The following SLCO3A1 variants were observed in gnomAD, a reference collection of about 807,000 sequenced individuals.
SLCO3A1 encodes the protein solute carrier organic anion transporter family member 3A1.
In SLCO3A1, 27 loss-of-function variants were observed where a neutral mutation model predicts 63.1. That is an observed-to-expected ratio of 0.43 (90% CI 0.32 to 0.59). The LOEUF is 0.59. SLCO3A1 is among the 20% of genes least tolerant of loss of function. The pLI, the probability that SLCO3A1 is intolerant of heterozygous loss-of-function variation, is 0.09. For missense variants in SLCO3A1, 773 were observed against 945.8 expected (o/e 0.82, Z 2.40); for synonymous variants, 473 against 409.9 (o/e 1.15, Z -1.86).
intron 9 of SLCO3A1, among the ~76,000 whole-genome samples, chr15:92,152,992 GAAAAGTTA>G (rs2048326774): frequency 6.6e-6 from 1 of 152,162 alleles, no homozygotes; most frequent in South Asian, 2.1e-4. Context: ...AGGTATTTCT[GAAAAGTTA>G]ATGAAAATTG....
chr15:91,996,370 A>G (rs1597203437), intron 2 of SLCO3A1, among the ~76,000 whole-genome samples: 1 of 152,188 alleles, frequency 6.6e-6, no homozygotes, highest in Non-Finnish European at 1.5e-5. Context: ...AAAATATACC[A>G]TATTCATGGA....
At chr15:92,111,591 G>C (rs1409661638) in intron 4 of SLCO3A1, among the ~76,000 whole-genome samples, 1 of 152,264 alleles carries the variant, frequency 6.6e-6, no homozygotes, top group East Asian at 1.9e-4. Flanking sequence ...ACTGGTCACT[G>C]GCTTAAGTTC....
chr15:92,122,619 C>A (rs374007235), intron 5 of SLCO3A1, among the ~76,000 whole-genome samples: 103 of 152,326 alleles, frequency 6.8e-4, no homozygotes, highest in African/African-American at 2.3e-3. Flanking sequence ...AACCATATGT[C>A]TGTGCTGTGA....
At chr15:92,072,587 C>G (rs184808338) in intron 2 of SLCO3A1, among the ~76,000 whole-genome samples, 29 of 152,322 alleles carry the variant, frequency 1.9e-4, no homozygotes, top group Non-Finnish European at 3.5e-4. Context: ...AGCTTATTAT[C>G]TTATGGTTCT....
chr15:92,163,028 G>C lies in SLCO3A1; in HGVS notation c.2026G>C (p.Asp676His), dbSNP rs2048459923. 6.2e-7 allele frequency: 1 copy of C among 1,605,002 alleles called. No homozygotes were observed. The highest frequency in any genetic ancestry group is 8.5e-7 in the Non-Finnish European group (1 of 1,174,966). ...GTTCTTTGCCTCTACTCTGACCCTA[G>C]ACAACCTGGGGAGGGACCCTGTGCC... is the stretch of plus-strand genomic sequence containing the variant. ...SEFFASTLTL[D>H]NLGRDPVPAN... The change falls in exon 10 of 10, where the codon GAC (aspartate) becomes CAC (histidine). Residue 676 changes from aspartate to histidine, a missense_variant. Around this residue, in one of 3 missense-constraint regions of SLCO3A1, gnomAD observed 139 missense variants for 131.4 expected, o/e 1.06. Transcript: ENST00000318445.
intron 7 of SLCO3A1, among the ~76,000 whole-genome samples, chr15:92,129,755 C>G (rs1375791279): frequency 6.6e-6 from 1 of 151,748 alleles, no homozygotes; most frequent in Non-Finnish European, 1.5e-5. Flanking sequence ...AGCAATTTCT[C>G]TGAAAGAAGA....
At chr15:91,990,904 T>C (rs116512905) in intron 2 of SLCO3A1, among the ~76,000 whole-genome samples, 5,758 of 152,002 alleles carry the variant, frequency 0.038, 174 homozygotes, top group Non-Finnish European at 0.052. Context: ...TTGGCCTCAG[T>C]GTTGAGGAGC....
intron 3 of SLCO3A1, among the ~76,000 whole-genome samples, chr15:92,099,525 A>G (rs1596100420): frequency 6.6e-6 from 1 of 152,096 alleles, no homozygotes; most frequent in South Asian, 2.1e-4. Flanking sequence ...TCTTCTCACA[A>G]TCTCAAGTAT....
At chr15:92,007,996 A>C (rs1014539924) in intron 2 of SLCO3A1, among the ~76,000 whole-genome samples, 1 of 152,146 alleles carries the variant, frequency 6.6e-6, no homozygotes, top group Non-Finnish European at 1.5e-5. Flanking sequence ...CTACAGGTCA[A>C]ATGTCTCCGA....
chr15:92,171,846 C>G, exon 11 of SLCO3A1: 1 of 1,551,432 alleles, frequency 6.4e-7, no homozygotes, highest in Non-Finnish European at 8.7e-7. Flanking sequence ...TCAGAAGACT[C>G]CTTTGTGAGA....
chr15:91,880,405 C>CTGTGTGTGTGTGTGTGTGTG lies in SLCO3A1; in HGVS notation c.180+26318_180+26319insGTGTGTGTGTGTGTGTGTGT, dbSNP rs1234294258. 3.3e-3 allele frequency among the ~76,000 whole-genome samples: 466 copies of CTGTGTGTGTGTGTGTGTGTG among 142,306 alleles called. 4 individuals carry two copies. Among genetic ancestry groups the CTGTGTGTGTGTGTGTGTGTG allele is most frequent in the African/African-American group, 0.012 (444 of 36,694 alleles). The allele number at this position is 142,306 out of a possible 152,430, so 93.4% of individuals were successfully genotyped here. Reference sequence around the variant, plus strand: ...CTTCTCTCTCTCTCTCTCTCTCTCTCTCTCTGTGTGTGTGTGTGTGTAGTT... The same window carrying CTGTGTGTGTGTGTGTGTGTG: ...CTTCTCTCTCTCTCTCTCTCTCTCTCTGTGTGTGTGTGTGTGTGTGTCTCTGTGTGTGTGTGTGTGTAGTT... On this transcript the variant is annotated intron_variant, in intron 1 of 9. Transcript: ENST00000318445.
rs1430166163 is a variant in SLCO3A1, at chr15:91,993,900, C to T, written c.646+77442C>T. Among the ~76,000 whole-genome samples the T allele has an allele frequency of 9.2e-5, 14 of 152,244 alleles. 1 individual carries two copies. In the South Asian group the frequency reaches 2.1e-3, roughly 23 times the overall value. On this transcript the variant is annotated intron_variant, in intron 2 of 9. Coordinates refer to ENST00000318445, the MANE Select transcript of SLCO3A1 (RefSeq NM_013272.4). ...CACCTAAGCAGGCTGTGGAAAGGACCGCATGGAGAGCTGAGCCTTCCTGCC... is the reference window on the plus strand; with the variant it reads ...CACCTAAGCAGGCTGTGGAAAGGACTGCATGGAGAGCTGAGCCTTCCTGCC...
intron 2 of SLCO3A1, among the ~76,000 whole-genome samples, chr15:91,999,695 G>C (rs2046230709): frequency 6.6e-6 from 1 of 152,240 alleles, no homozygotes; most frequent in East Asian, 1.9e-4. Flanking sequence ...GGGAGGCCGA[G>C]GCAGGAGGAT....
intron 2 of SLCO3A1, among the ~76,000 whole-genome samples, chr15:92,080,258 C>T (rs905962032): frequency 2.0e-5 from 3 of 152,188 alleles, no homozygotes; most frequent in Non-Finnish European, 2.9e-5. Context: ...AATCAGTTTA[C>T]AGTTCAACAC....
chr15:91,940,027 C>G (rs1223487595), intron 2 of SLCO3A1, among the ~76,000 whole-genome samples: 1 of 152,154 alleles, frequency 6.6e-6, no homozygotes. Flanking sequence ...CCATTTGCAC[C>G]GGGAGCTCTC....
chr15:92,060,374 A>G (rs2047071809), intron 2 of SLCO3A1, among the ~76,000 whole-genome samples: 1 of 152,156 alleles, frequency 6.6e-6, no homozygotes, highest in African/African-American at 2.4e-5. Flanking sequence ...AGCCTGGCCA[A>G]CATCGCGAAA....
At chr15:92,019,988 G>A (rs1325863000) in intron 2 of SLCO3A1, among the ~76,000 whole-genome samples, 4 of 152,142 alleles carry the variant, frequency 2.6e-5, no homozygotes, top group Admixed American at 6.5e-5. Flanking sequence ...TGGGGGAAGC[G>A]ACATGGATAC....
At chr15:91,935,517 C>T (rs1042225537) in intron 2 of SLCO3A1, among the ~76,000 whole-genome samples, 2 of 152,162 alleles carry the variant, frequency 1.3e-5, no homozygotes, top group African/African-American at 4.8e-5. Flanking sequence ...ACCTAGCCCA[C>T]CCCTATTAGC....
At position 91,942,156 on chromosome 15, in the gene SLCO3A1, T is replaced by A. The variant is rs556433060; in HGVS notation, c.646+25698T>A. On this transcript the variant is annotated intron_variant, in intron 2 of 9. Transcript: ENST00000318445. This position sits in a 1 kb window ranked among gnomAD's most constrained non-coding sequence, Gnocchi z 4.1. The stretch of plus-strand genomic sequence containing the variant: ...TTTTGGATCACGGCAGCTTTTCTTA[T>A]TAAAATTTTACTTGTAGAAATAAAA... Among the ~76,000 whole-genome samples, 1 of 152,336 alleles carries A rather than the reference T, an allele frequency of 6.6e-6. No homozygotes were observed. Among genetic ancestry groups the A allele is most frequent in the East Asian group, 1.9e-4 (1 of 5,192 alleles).
Sources: gnomAD v4.1 joint callset for allele counts (sites outside exome capture counted in the v4.1 genomes callset) on GRCh38, gnomAD v4.1.1 for gene constraint, gnomAD v4.1.1 regional missense constraint, Gnocchi (gnomAD v3.1) non-coding constraint, MANE v1.5 for transcripts, NCBI Gene and HGNC (gene_info 2026-07-23, HGNC 2026-07-21) for gene names.